Variants in DLG2 observed in about 807,000 individuals in gnomAD.
DLG2 encodes discs large MAGUK scaffold protein 2, also known as disks large homolog 2.
A neutral mutation model predicts 132.5 loss-of-function variants in DLG2; 45 were observed. That is an observed-to-expected ratio of 0.34 (90% CI 0.27 to 0.44). The LOEUF is 0.44. Among genes scored for constraint, DLG2 ranks in the 20% least tolerant of loss-of-function variants. The pLI is 1.00. For missense variants in DLG2, 1,045 were observed against 1,196.9 expected (o/e 0.87, Z 1.87); for synonymous variants, 424 against 419.6 (o/e 1.01, Z -0.13).
intron 6 of DLG2, among the ~76,000 whole-genome samples, chr11:84,993,829 C>A (rs1592354374): frequency 6.6e-6 from 1 of 152,126 alleles, no homozygotes; most frequent in African/African-American, 2.4e-5. Context: ...GGACTGTCAG[C>A]TGGACTGGCA....
At chr11:85,466,556 T>C (rs879423558) in intron 3 of DLG2, among the ~76,000 whole-genome samples, 1 of 152,214 alleles carries the variant, frequency 6.6e-6, no homozygotes, top group Admixed American at 6.5e-5. Context: ...GCACCATTTA[T>C]TAAATAAGGA....
intron 10 of DLG2, among the ~76,000 whole-genome samples, chr11:84,079,440 T>C (rs1047409425): frequency 2.6e-5 from 4 of 152,040 alleles, no homozygotes; most frequent in Non-Finnish European, 4.4e-5. Flanking sequence ...CCTGCTGCCA[T>C]GCCCAGCTAA....
intron 21 of DLG2, among the ~76,000 whole-genome samples, chr11:83,517,140 C>T (rs181359054): frequency 6.6e-6 from 1 of 152,216 alleles, no homozygotes; most frequent in East Asian, 1.9e-4. Flanking sequence ...GTTCCATTCT[C>T]CCCGTCACTT....
intron 7 of DLG2, among the ~76,000 whole-genome samples, chr11:84,380,993 C>T (rs906406562): frequency 3.3e-5 from 5 of 151,000 alleles, no homozygotes; most frequent in South Asian, 2.1e-4. Flanking sequence ...TAAAGTTATG[C>T]GAAAGGAAGG....
chr11:84,006,693 CTG>C (rs1480353852), intron 11 of DLG2, among the ~76,000 whole-genome samples: 1 of 151,452 alleles, frequency 6.6e-6, no homozygotes, highest in African/African-American at 2.4e-5. Flanking sequence ...AAATTATATT[CTG>C]TGTCATTGGT....
chr11:83,926,575 C>T (rs79608304), intron 15 of DLG2, among the ~76,000 whole-genome samples: 10,548 of 152,020 alleles, frequency 0.069, 525 homozygotes, highest in African/African-American at 0.13. Flanking sequence ...TAAGGCTTAG[C>T]TAAATAAATT....
chr11:85,238,653 T>A (rs1242651751), intron 4 of DLG2, among the ~76,000 whole-genome samples: 1 of 152,138 alleles, frequency 6.6e-6, no homozygotes, highest in Non-Finnish European at 1.5e-5. Flanking sequence ...TTTTAACTTA[T>A]GTAATGACTT....
chr11:84,652,020 G>C (rs1248076889), intron 6 of DLG2, among the ~76,000 whole-genome samples: 1 of 152,132 alleles, frequency 6.6e-6, no homozygotes, highest in Non-Finnish European at 1.5e-5. Context: ...TAGCAGGAGA[G>C]TTTTAGAGGG....
chr11:84,079,055 C>G (rs1343462948), intron 10 of DLG2, among the ~76,000 whole-genome samples: 3 of 152,102 alleles, frequency 2.0e-5, no homozygotes, highest in African/African-American at 7.2e-5. Flanking sequence ...ATTATATACT[C>G]AGCACCTGAT....
intron 7 of DLG2, among the ~76,000 whole-genome samples, chr11:84,355,149 C>A (rs571288315): frequency 6.6e-6 from 1 of 152,046 alleles, no homozygotes; most frequent in East Asian, 1.9e-4. Flanking sequence ...CAACAGAGAA[C>A]CTGTGAATGC....
intron 9 of DLG2, among the ~76,000 whole-genome samples, chr11:84,130,804 T>A (rs1238350739): frequency 6.6e-6 from 1 of 151,488 alleles, no homozygotes; most frequent in Non-Finnish European, 1.5e-5. Context: ...TAGAAGCAAA[T>A]GGCCCCAGTT....
intron 15 of DLG2, among the ~76,000 whole-genome samples, chr11:83,907,926 T>C (rs561740586): frequency 3.9e-5 from 6 of 152,262 alleles, no homozygotes; most frequent in African/African-American, 1.2e-4. Context: ...AAGGCACCCT[T>C]GCCTAAGTTC....
intron 18 of DLG2, among the ~76,000 whole-genome samples, chr11:83,689,903 T>A (rs2080548004): frequency 6.9e-6 from 1 of 145,418 alleles, no homozygotes. Flanking sequence ...CATAAATATA[T>A]TTATGTAAAT....
intron 26 of DLG2, among the ~76,000 whole-genome samples, chr11:83,463,871 C>A (rs1162278864): frequency 2.6e-5 from 4 of 152,222 alleles, no homozygotes; most frequent in Admixed American, 1.3e-4. Context: ...TCCCTTTTTA[C>A]TGATTACAGC....
chr11:85,545,437 G>A (rs545411531), intron 3 of DLG2, among the ~76,000 whole-genome samples: 1 of 152,142 alleles, frequency 6.6e-6, no homozygotes, highest in Non-Finnish European at 1.5e-5. Flanking sequence ...AGGGATATTA[G>A]CCGGAAATTT....
chr11:85,586,805 C>T (rs983041199), intron 3 of DLG2, among the ~76,000 whole-genome samples: 15 of 152,100 alleles, frequency 9.9e-5, no homozygotes, highest in African/African-American at 3.4e-4. Flanking sequence ...TATTTATGCT[C>T]TTTCAGACTT....
intron 6 of DLG2, among the ~76,000 whole-genome samples, chr11:84,950,495 A>ATT (rs1394896776): frequency 6.6e-6 from 1 of 152,210 alleles, no homozygotes; most frequent in African/African-American, 2.4e-5. Context: ...ATTTTAATAT[A>ATT]TTTATGCACA....
chr11:84,296,741 A>G (rs1008720748), intron 7 of DLG2, among the ~76,000 whole-genome samples: 7 of 152,148 alleles, frequency 4.6e-5, no homozygotes, highest in East Asian at 1.9e-4. Flanking sequence ...TTATGATTTC[A>G]TATTTCAACT....
chr11:83,953,457 A>C (rs563797364), intron 14 of DLG2, among the ~76,000 whole-genome samples: 3 of 152,262 alleles, frequency 2.0e-5, no homozygotes, highest in South Asian at 4.1e-4. Context: ...ATGACTGATG[A>C]TCTGAGGTGG....
Sources: allele counts gnomAD v4.1 joint callset (sites outside exome capture counted in the v4.1 genomes callset), GRCh38; gene constraint gnomAD v4.1.1; transcripts MANE v1.5; gene names NCBI Gene and HGNC (gene_info 2026-07-23, HGNC 2026-07-21).